Variants in SLC12A6 observed in about 807,000 individuals in gnomAD.
SLC12A6 encodes the protein K-Cl cotransporter 3.
A neutral mutation model predicts 135.3 loss-of-function variants in SLC12A6; 66 were observed. The observed-to-expected ratio is 0.49, with a 90% CI of 0.40 to 0.60. SLC12A6 has a LOEUF of 0.60. Among genes scored for constraint, SLC12A6 ranks in the 20% least tolerant of loss-of-function variants. SLC12A6 has a pLI of 0.00. For synonymous variants in SLC12A6, 513 were observed against 508.8 expected (o/e 1.01, Z -0.11); for missense variants, 1,058 against 1,452.3 (o/e 0.73, Z 4.41).
intron 2 of SLC12A6, among the ~76,000 whole-genome samples, chr15:34,312,856 C>G (rs1024449827): frequency 4.6e-5 from 7 of 152,162 alleles, no homozygotes; most frequent in African/African-American, 1.7e-4. Flanking sequence ...CTAACTTTTT[C>G]ATTATAACTA....
At chr15:34,241,370 T>C (rs1891628809) in intron 17 of SLC12A6, 33 bp from the exon 18 acceptor site, 1 of 1,111,542 alleles carries the variant, frequency 9.0e-7, no homozygotes, top group African/African-American at 1.5e-5. Flanking sequence ...GAGACAAATT[T>C]AAACTATAGT....
At chr15:34,318,777 T>C in intron 2 of SLC12A6, 1 of 1,586,218 alleles carries the variant, frequency 6.3e-7, no homozygotes, top group Non-Finnish European at 8.6e-7. Flanking sequence ...CAGACTGTGA[T>C]CCCTGCCTAC....
chr15:34,272,084 C>G (rs1234074303), intron 3 of SLC12A6, among the ~76,000 whole-genome samples: 14 of 152,076 alleles, frequency 9.2e-5, no homozygotes. Context: ...AAGCGATTCT[C>G]CTGCCTCAGC....
At chr15:34,253,300 T>C (rs750551075) in intron 9 of SLC12A6, among the ~76,000 whole-genome samples, 2 of 152,178 alleles carry the variant, frequency 1.3e-5, no homozygotes, top group Non-Finnish European at 2.9e-5. Context: ...GAAAATACCA[T>C]GCATTATGAC....
At chr15:34,315,331 C>T (rs534563263) in intron 2 of SLC12A6, among the ~76,000 whole-genome samples, 1 of 152,328 alleles carries the variant, frequency 6.6e-6, no homozygotes, top group Non-Finnish European at 1.5e-5. Flanking sequence ...CACCCTGCAG[C>T]AGCCATCAAC....
Position 34,336,513 on chromosome 15 carries a change from C to T in SLC12A6, c.168G>A (p.Arg56=), listed in dbSNP as rs886051056. ...SSRESVPETS[R]SEPMSEMSGA... ...CAGACATCTCACTCATAGGCTCACT[C>T]CGGCTTGTTTCAGGCACGCTTTCCC... The change falls in exon 2 of 26, where the codon CGG becomes CGA. Residue 56 remains arginine, a synonymous_variant. Coordinates refer to ENST00000354181, the MANE Select transcript of SLC12A6 (RefSeq NM_001365088.1). 9 of 1,613,892 alleles carry T rather than the reference C, an allele frequency of 5.6e-6. No individual in the cohort carries two copies. Among genetic ancestry groups the T allele is most frequent in the Non-Finnish European group, 7.6e-6 (9 of 1,179,942 alleles).
intron 2 of SLC12A6, chr15:34,318,420 G>C: frequency 1.3e-6 from 1 of 746,322 alleles, no homozygotes; most frequent in Non-Finnish European, 2.5e-6. Flanking sequence ...ATACACAGGG[G>C]AGTGAAATAA....
intron 3 of SLC12A6, among the ~76,000 whole-genome samples, chr15:34,262,590 G>A (rs1893223137): frequency 6.6e-6 from 1 of 152,166 alleles, no homozygotes; most frequent in African/African-American, 2.4e-5. Context: ...GGGGCGACAG[G>A]ACAGACAGAG....
intron 3 of SLC12A6, among the ~76,000 whole-genome samples, chr15:34,264,030 C>T (rs1249655608): frequency 1.3e-5 from 2 of 151,468 alleles, no homozygotes; most frequent in Non-Finnish European, 2.9e-5. Context: ...AAGAAGTAAG[C>T]AATCATCTTG....
chr15:34,301,167 C>G (rs1485968043), intron 2 of SLC12A6, among the ~76,000 whole-genome samples: 2 of 152,026 alleles, frequency 1.3e-5, no homozygotes, highest in Non-Finnish European at 2.9e-5. Flanking sequence ...CAGGGTTTCA[C>G]CATGTCGGTC....
At chr15:34,309,377 T>G (rs1887988088) in intron 2 of SLC12A6, among the ~76,000 whole-genome samples, 1 of 152,218 alleles carries the variant, frequency 6.6e-6, no homozygotes, top group Non-Finnish European at 1.5e-5. Flanking sequence ...GACTATAGAA[T>G]TTAAAAATTA....
rs8033009 is a variant in SLC12A6 at position 34,244,827 on chromosome 15, T to C, written c.1943+458A>G. Among the ~76,000 whole-genome samples the C allele has an allele frequency of 5.5e-3, 840 of 152,332 alleles. 10 individuals carry two copies. The highest frequency in any genetic ancestry group is 0.02 in the African/African-American group (818 of 41,570). ...TCTGTTTAGATGCCTTGCTCTGGTGTTCCTAGGGCACTCAGTGTTCACCTT... is the reference window on the plus strand; with the variant it reads ...TCTGTTTAGATGCCTTGCTCTGGTGCTCCTAGGGCACTCAGTGTTCACCTT... On this transcript the variant is annotated intron_variant, in intron 15 of 25. Transcript: ENST00000354181.
intron 2 of SLC12A6, among the ~76,000 whole-genome samples, chr15:34,323,141 C>T (rs1250426297): frequency 6.6e-6 from 1 of 152,028 alleles, no homozygotes; most frequent in Admixed American, 6.5e-5. Flanking sequence ...CAAAGGAGAT[C>T]TGTATCTAGA....
At position 34,308,652 on chromosome 15, in the gene SLC12A6, AC is replaced by A. The variant is rs376245558; in HGVS notation, c.271+27757del. On this transcript the variant is annotated intron_variant, in intron 2 of 25. Coordinates refer to ENST00000354181, the MANE Select transcript of SLC12A6 (RefSeq NM_001365088.1). ...TGACAAAAAAAAAAAAAAAAAAAAA[AC>A]AAACCAGATTGTTGGATTAAGTCAA... Among the ~76,000 whole-genome samples the A allele has an allele frequency of 2.7e-3, 306 of 114,206 alleles. 1 individual carries two copies. Among genetic ancestry groups the A allele is most frequent in the Middle Eastern group, 5.1e-3 (1 of 198 alleles). 74.9% of individuals were successfully genotyped at this position (114,206 alleles called of 152,430 possible). A position where few individuals can be genotyped will look rare whatever the true frequency, so the allele number is the denominator to read the frequency against.
chr15:34,275,664 A>G (rs1894251527), intron 2 of SLC12A6, among the ~76,000 whole-genome samples: 1 of 152,170 alleles, frequency 6.6e-6, no homozygotes, highest in Admixed American at 6.5e-5. Context: ...CTTTACCACA[A>G]AGTTTATGAC....
At chr15:34,290,909 C>T (rs1895473380) in intron 2 of SLC12A6, among the ~76,000 whole-genome samples, 1 of 152,160 alleles carries the variant, frequency 6.6e-6, no homozygotes, top group South Asian at 2.1e-4. Flanking sequence ...GAATACAGCA[C>T]ACCGATAGGT....
chr15:34,235,105 T>A (rs2140632795), intron 25 of SLC12A6, 76 bp downstream of exon 25: 1 of 1,342,950 alleles, frequency 7.4e-7, no homozygotes, highest in African/African-American at 1.4e-5. Context: ...ACAATGACTT[T>A]TATTGTTACC....
At chr15:34,269,114 T>TC (rs200142840) in intron 3 of SLC12A6, among the ~76,000 whole-genome samples, 5,994 of 152,208 alleles carry the variant, frequency 0.039, 219 homozygotes, top group African/African-American at 0.099. Context: ...CACCTCAGCC[T>TC]CCCAAACTGC....
At position 34,236,743 on chromosome 15, in the gene SLC12A6, G is replaced by A. The variant is rs368094267; in HGVS notation, c.3007C>T (p.His1003Tyr). ...MMEQRSQMLRHMRLSKTERDR... is the reference protein window; with the variant it reads ...MMEQRSQMLRYMRLSKTERDR... ...CGCTCTGTTTTGGATAGCCGCATGT[G>A]CCGGAGCATCTGGGACCTTTGTTCC... is the stretch of plus-strand genomic sequence containing the variant. Residue 1003 changes from histidine to tyrosine, a missense_variant, in exon 23 of 26, where the codon CAC (histidine) becomes TAC (tyrosine). Physicochemically the swap from His to Tyr is moderately conservative, Grantham distance 83 (BLOSUM62 2). Transcript: ENST00000354181. 3.8e-5 allele frequency: 61 copies of A among 1,609,404 alleles called. No homozygotes were observed. The highest frequency in any genetic ancestry group is 3.7e-5 in the Non-Finnish European group (43 of 1,175,752).
Sources: gnomAD v4.1 joint callset for allele counts (sites outside exome capture counted in the v4.1 genomes callset) on GRCh38, gnomAD v4.1.1 for gene constraint, MANE v1.5 for transcripts, NCBI Gene and HGNC (gene_info 2026-07-23, HGNC 2026-07-21) for gene names.